The following CACNA1C variants were observed in gnomAD, a reference collection of about 807,000 sequenced individuals.
CACNA1C encodes the protein voltage-dependent L-type calcium channel subunit alpha-1C.
A neutral mutation model predicts 229.0 loss-of-function variants in CACNA1C; 30 were observed. That is an observed-to-expected ratio of 0.13 (90% CI 0.10 to 0.18). The LOEUF (loss-of-function observed/expected upper bound fraction) is 0.18. Among genes scored for constraint, CACNA1C ranks in the 10% least tolerant of loss-of-function variants. The probability of loss-of-function intolerance (pLI) is 1.00; values close to 1 mark genes in which losing one functional copy is unlikely to be tolerated. For missense variants in CACNA1C, 1,658 were observed against 2,845.0 expected, an observed-to-expected ratio of 0.58 and a Z score of 9.49; for synonymous variants, 1,114 against 1,132.5, an observed-to-expected ratio of 0.98 and a Z score of 0.33.
At chr12:2,448,869 G>C in intron 3 of CACNA1C, 107 bp from the exon 4 acceptor site, 1 of 916,452 alleles carries the variant, frequency 1.1e-6, no homozygotes, top group Non-Finnish European at 1.6e-6. Flanking sequence ...CCACCACAGA[G>C]GGGGCAGCAT....
At chr12:2,371,077 T>G (rs1482425872) in intron 3 of CACNA1C, among the ~76,000 whole-genome samples, 1 of 152,146 alleles carries the variant, frequency 6.6e-6, no homozygotes, top group Non-Finnish European at 1.5e-5. Flanking sequence ...TTAGGGGCAA[T>G]GGAATAGCTG....
At chr12:2,442,605 G>A (rs1383981739) in intron 3 of CACNA1C, among the ~76,000 whole-genome samples, 1 of 152,190 alleles carries the variant, frequency 6.6e-6, no homozygotes, top group African/African-American at 2.4e-5. Flanking sequence ...TTGGGCCGTT[G>A]TTGCAGTGCT....
rs572600385 is a variant in CACNA1C at position 2,632,914 on chromosome 12, A to G, written c.3829-1383A>G. Among the ~76,000 whole-genome samples, 3 of 152,142 alleles carry G rather than the reference A, an allele frequency of 2.0e-5. No homozygotes were observed. Among genetic ancestry groups the G allele is most frequent in the Non-Finnish European group, 4.4e-5 (3 of 68,004 alleles). On this transcript the variant is annotated intron_variant, in intron 29 of 46. Coordinates refer to ENST00000399655, the MANE Select transcript of CACNA1C (RefSeq NM_000719.7). The surrounding 1 kb of genome is among the most constrained non-coding windows in gnomAD (Gnocchi z 4.1). ...GCCTTGCCTCTGTCTCCTTTCCCTTAGGAAAGTCTTTGCCAGGGTTGGAAC... is the reference window on the plus strand; with the variant it reads ...GCCTTGCCTCTGTCTCCTTTCCCTTGGGAAAGTCTTTGCCAGGGTTGGAAC...
chr12:2,590,557 T>C (rs2064802392), intron 18 of CACNA1C, among the ~76,000 whole-genome samples: 1 of 152,196 alleles, frequency 6.6e-6, no homozygotes, highest in South Asian at 2.1e-4. Context: ...TTTACAAATC[T>C]GAGTTTGTCC....
chr12:2,545,490 C>A (rs1469931956), intron 9 of CACNA1C, among the ~76,000 whole-genome samples: 1 of 152,158 alleles, frequency 6.6e-6, no homozygotes, highest in East Asian at 1.9e-4. Flanking sequence ...CGTTCGTTAG[C>A]AATTCCTGGG....
chr12:2,332,623 A>G (rs1208955986), intron 3 of CACNA1C, among the ~76,000 whole-genome samples: 1 of 152,256 alleles, frequency 6.6e-6, no homozygotes, highest in African/African-American at 2.4e-5. Flanking sequence ...GTGACTTCCA[A>G]CAGTAAAATA....
chr12:2,429,205 G>T (rs1227667585), intron 3 of CACNA1C, among the ~76,000 whole-genome samples: 1 of 152,088 alleles, frequency 6.6e-6, no homozygotes, highest in East Asian at 1.9e-4. Context: ...TGGATTAGGG[G>T]CCCACAAACT....
intron 10 of CACNA1C, chr12:2,550,494 G>A (rs1241192477): frequency 7.6e-7 from 1 of 1,318,240 alleles, no homozygotes; most frequent in Non-Finnish European, 1.0e-6. Context: ...AGATGTTCTG[G>A]GAGATGACTG....
chr12:2,585,779 C>A lies in CACNA1C; in HGVS notation c.2461-56C>A. 2.2e-6 allele frequency: 3 copies of A among 1,336,358 alleles called. No homozygotes were observed. In the South Asian group the frequency reaches 3.7e-5, roughly 17 times the overall value. 82.8% of individuals were successfully genotyped at this position (1,336,358 alleles called of 1,614,324 possible). The stretch of plus-strand genomic sequence containing the variant: ...GCAACTTCAAGGCTACTGCAAGCCT[C>A]TTAACTTGGGGACGTATCTAACTAT... On this transcript the variant is annotated intron_variant, in intron 17 of 46. Coordinates refer to ENST00000399655, the MANE Select transcript of CACNA1C (RefSeq NM_000719.7). The surrounding 1 kb of genome is among the most constrained non-coding windows in gnomAD (Gnocchi z 4.1).
At chr12:2,611,683 A>G (rs1421227388) in intron 28 of CACNA1C, among the ~76,000 whole-genome samples, 8 of 152,096 alleles carry the variant, frequency 5.3e-5, no homozygotes, top group Non-Finnish European at 1.2e-4. Flanking sequence ...CCAACCAGGG[A>G]AATGAACACA....
At chr12:2,313,016 G>A (rs2095514607) in intron 3 of CACNA1C, among the ~76,000 whole-genome samples, 1 of 152,130 alleles carries the variant, frequency 6.6e-6, no homozygotes. Flanking sequence ...CTTCATCTGA[G>A]TTAGAATTCT....
chr12:2,634,410 C>T (rs1439114059), intron 30 of CACNA1C, 30 bp downstream of exon 30: 1 of 1,246,522 alleles, frequency 8.0e-7, no homozygotes, highest in Non-Finnish European at 1.1e-6. Flanking sequence ...CCCTAACCGT[C>T]CGTGCCTGCT....
At chr12:2,387,765 G>T (rs1366598627) in intron 3 of CACNA1C, among the ~76,000 whole-genome samples, 1 of 152,162 alleles carries the variant, frequency 6.6e-6, no homozygotes, top group Non-Finnish European at 1.5e-5. Flanking sequence ...AGAGAGCTCA[G>T]CAGCTGCAAG....
intron 7 of CACNA1C, among the ~76,000 whole-genome samples, chr12:2,500,048 T>TGGCAGCCGAGCATTGCTCACCCA (rs2099755628): frequency 6.6e-6 from 1 of 152,190 alleles, no homozygotes; most frequent in East Asian, 1.9e-4. Context: ...TCACCTTCTG[T>TGGCAGCCGAGCATTGCTCACCCA]GGCAGCCGAG....
intron 3 of CACNA1C, among the ~76,000 whole-genome samples, chr12:2,236,883 A>G (rs1450216271): frequency 6.6e-6 from 1 of 151,856 alleles, no homozygotes; most frequent in African/African-American, 2.4e-5. Flanking sequence ...TACTCTGAAG[A>G]CTCCAGACAC....
At chr12:2,584,479 T>G in intron 15 of CACNA1C, 24 bp from the exon 16 acceptor site, 9 of 1,580,262 alleles carry the variant, frequency 5.7e-6, no homozygotes, top group Non-Finnish European at 7.8e-6. Context: ...AAGGGTCATT[T>G]TCTTTAAGAA....
At chr12:2,187,740 G>T (rs1261060342) in intron 3 of CACNA1C, among the ~76,000 whole-genome samples, 1 of 152,250 alleles carries the variant, frequency 6.6e-6, no homozygotes, top group East Asian at 1.9e-4. Flanking sequence ...TGGGGTCCCT[G>T]CCTGTCCTCC....
chr12:2,368,108 A>G (rs898156223), intron 3 of CACNA1C, among the ~76,000 whole-genome samples: 2 of 152,234 alleles, frequency 1.3e-5, no homozygotes, highest in Non-Finnish European at 2.9e-5. Flanking sequence ...TGCAGCATGC[A>G]ATAAAACTCA....
chr12:2,612,724 T>C (rs2078430880), intron 29 of CACNA1C: 1 of 152,252 alleles, frequency 6.6e-6, no homozygotes, highest in Admixed American at 6.5e-5. Context: ...ACCCCCATTG[T>C]CCTCAGTGGT....
Sources: allele counts gnomAD v4.1 joint callset (sites outside exome capture counted in the v4.1 genomes callset), GRCh38; gene constraint gnomAD v4.1.1; non-coding constraint Gnocchi (gnomAD v3.1); transcripts MANE v1.5; gene names NCBI Gene and HGNC (gene_info 2026-07-23, HGNC 2026-07-21).